The following NOL4 variants were observed in gnomAD, a reference collection of about 807,000 sequenced individuals.
NOL4 encodes the protein cancer/testis antigen 125.
In NOL4, 17 loss-of-function variants were observed where a neutral mutation model predicts 75.9. That is an observed-to-expected ratio of 0.22 (90% CI 0.15 to 0.34). The LOEUF (loss-of-function observed/expected upper bound fraction) is 0.34, where lower values mean the gene tolerates loss of function less well. NOL4 is among the 10% of genes least tolerant of loss of function. The probability of loss-of-function intolerance (pLI) is 1.00; values close to 1 mark genes in which losing one functional copy is unlikely to be tolerated. For synonymous variants in NOL4, 292 were observed against 289.9 expected (o/e 1.01, Z -0.07); for missense variants, 614 against 793.5 (o/e 0.77, Z 2.72).
At chr18:33,861,480 A>G (rs964343379) in intron 10 of NOL4, among the ~76,000 whole-genome samples, 4 of 152,032 alleles carry the variant, frequency 2.6e-5, no homozygotes, top group African/African-American at 9.7e-5. Flanking sequence ...TGGTGGTGAT[A>G]TCCCCTTTAT....
At chr18:34,024,692 C>T (rs1214302111) in intron 5 of NOL4, among the ~76,000 whole-genome samples, 3 of 152,066 alleles carry the variant, frequency 2.0e-5, no homozygotes, top group Admixed American at 1.3e-4. Flanking sequence ...CTTGGTAGCA[C>T]TTTCCAGCAC....
intron 4 of NOL4, among the ~76,000 whole-genome samples, chr18:34,094,536 T>C (rs928270216): frequency 6.6e-6 from 1 of 152,216 alleles, no homozygotes; most frequent in Non-Finnish European, 1.5e-5. Flanking sequence ...AAACCAAATC[T>C]AGGATATATT....
chr18:34,162,900 G>C (rs2031733546), intron 1 of NOL4, among the ~76,000 whole-genome samples: 1 of 152,186 alleles, frequency 6.6e-6, no homozygotes, highest in East Asian at 1.9e-4. Context: ...CCATGATCAA[G>C]TGGGCTTCAT....
intron 6 of NOL4, 114 bp downstream of exon 6, chr18:34,019,204 G>T: frequency 1.2e-6 from 1 of 854,296 alleles, no homozygotes; most frequent in Non-Finnish European, 1.8e-6. Context: ...TCCTCTTATT[G>T]GATTTGTTTA....
At chr18:33,954,919 T>C (rs1027522894) in intron 8 of NOL4, among the ~76,000 whole-genome samples, 2 of 151,972 alleles carry the variant, frequency 1.3e-5, no homozygotes, top group Non-Finnish European at 2.9e-5. Flanking sequence ...GAGGATACTA[T>C]GGGATGCAAT....
chr18:34,068,639 C>T (rs2077381903), intron 5 of NOL4, among the ~76,000 whole-genome samples: 1 of 152,102 alleles, frequency 6.6e-6, no homozygotes, highest in Admixed American at 6.5e-5. Flanking sequence ...ACCTCATGTC[C>T]ACCCACCTCG....
At chr18:34,070,070 C>A (rs1257794971) in intron 5 of NOL4, among the ~76,000 whole-genome samples, 1 of 152,200 alleles carries the variant, frequency 6.6e-6, no homozygotes, top group East Asian at 1.9e-4. Flanking sequence ...CTCGCTCAGT[C>A]GCCCAGGCTG....
chr18:33,987,483 T>C (rs1301799381), intron 6 of NOL4, among the ~76,000 whole-genome samples: 1 of 152,084 alleles, frequency 6.6e-6, no homozygotes, highest in Non-Finnish European at 1.5e-5. Context: ...TGCACAATAA[T>C]GAGGCAAAGC....
chr18:33,947,693 A>G (rs1444793320), intron 8 of NOL4, among the ~76,000 whole-genome samples: 1 of 151,822 alleles, frequency 6.6e-6, no homozygotes, highest in Non-Finnish European at 1.5e-5. Context: ...CTCTGTATAT[A>G]AGATAATGGT....
chr18:34,113,213 C>T (rs1313872854), intron 2 of NOL4, among the ~76,000 whole-genome samples: 1 of 152,118 alleles, frequency 6.6e-6, no homozygotes, highest in Non-Finnish European at 1.5e-5. Context: ...CTCCTAGCCT[C>T]CAGCAATCCT....
At chr18:34,116,573 T>A (rs2079869910) in intron 2 of NOL4, among the ~76,000 whole-genome samples, 1 of 152,196 alleles carries the variant, frequency 6.6e-6, no homozygotes, top group African/African-American at 2.4e-5. Context: ...TTCAATAATA[T>A]ATAATACTAA....
At chr18:34,167,586 G>T (rs1157915137) in intron 1 of NOL4, among the ~76,000 whole-genome samples, 3 of 133,920 alleles carry the variant, frequency 2.2e-5, no homozygotes, top group East Asian at 4.2e-4. Context: ...ATAGATAGAG[G>T]TTTGTATGGG....
intron 6 of NOL4, among the ~76,000 whole-genome samples, chr18:33,974,242 T>C (rs1356847680): frequency 2.0e-5 from 3 of 152,190 alleles, no homozygotes; most frequent in East Asian, 1.9e-4. Flanking sequence ...AACTTTTCTC[T>C]TGAAGCTTTC....
intron 6 of NOL4, among the ~76,000 whole-genome samples, chr18:33,961,606 C>A (rs2145775873): frequency 6.6e-6 from 1 of 152,102 alleles, no homozygotes; most frequent in African/African-American, 2.4e-5. Flanking sequence ...GATTCTGTTT[C>A]TCTGGAGAAC....
chr18:34,154,744 G>T (rs190075838), intron 1 of NOL4, among the ~76,000 whole-genome samples: 1 of 151,928 alleles, frequency 6.6e-6, no homozygotes, highest in East Asian at 1.9e-4. Flanking sequence ...TCCCAAGTGG[G>T]TGTGTTAACT....
intron 9 of NOL4, among the ~76,000 whole-genome samples, chr18:33,883,945 C>T (rs778955790): frequency 1.8e-4 from 27 of 151,972 alleles, no homozygotes; most frequent in Non-Finnish European, 1.3e-4. Flanking sequence ...GGGTTTTCAG[C>T]ACTTGGGGAG....
chr18:34,195,580 C>T (rs1001934128), intron 1 of NOL4, among the ~76,000 whole-genome samples: 1 of 150,124 alleles, frequency 6.7e-6, no homozygotes, highest in African/African-American at 2.5e-5. Flanking sequence ...ATAATACTGC[C>T]ATGTTTTCCT....
chr18:33,884,758 C>A (rs2064533037), intron 9 of NOL4, among the ~76,000 whole-genome samples: 1 of 151,980 alleles, frequency 6.6e-6, no homozygotes, highest in Admixed American at 6.6e-5. Context: ...ATTTCAAATA[C>A]ATTTTTTGTG....
rs182752864 is a variant in NOL4, at chr18:34,017,746, C to A, written c.1056+1572G>T. Among the ~76,000 whole-genome samples, 654 of 152,234 alleles carry A rather than the reference C, an allele frequency of 4.3e-3. 1 individual carries two copies. The highest frequency in any genetic ancestry group is 0.017 in the Middle Eastern group (5 of 294). ...GCCTACACTCTCCTTCAAAGGTGGACTTTGCTTAGCTTTCATACATTACAC... is the reference window on the plus strand; with the variant it reads ...GCCTACACTCTCCTTCAAAGGTGGAATTTGCTTAGCTTTCATACATTACAC... On this transcript the variant is annotated intron_variant, in intron 6 of 10. Transcript: ENST00000261592.
Sources: allele counts gnomAD v4.1 joint callset (sites outside exome capture counted in the v4.1 genomes callset), GRCh38; gene constraint gnomAD v4.1.1; transcripts MANE v1.5; gene names NCBI Gene and HGNC (gene_info 2026-07-23, HGNC 2026-07-21).